The following TMEM51 variants were observed in gnomAD, a reference collection of about 807,000 sequenced individuals.
The protein encoded by TMEM51 is transmembrane protein 51.
Under a neutral mutation model 13.6 loss-of-function variants are expected in TMEM51, and 8 were observed. The ratio of observed to expected loss-of-function variants is 0.59; its 90% CI spans 0.35 to 1.07. The LOEUF is 1.07. Ranked by LOEUF, TMEM51 falls within the 50% of genes least tolerant of loss-of-function variation. The pLI is 0.02. For missense variants in TMEM51, 279 were observed against 330.7 expected, an observed-to-expected ratio of 0.84 and a Z score of 1.21; for synonymous variants, 147 against 144.4, an observed-to-expected ratio of 1.02 and a Z score of -0.13.
intron 1 of TMEM51, among the ~76,000 whole-genome samples, chr1:15,199,791 T>A (rs1644119012): frequency 6.6e-6 from 1 of 152,148 alleles, no homozygotes; most frequent in Non-Finnish European, 1.5e-5. Flanking sequence ...CTCAACCCTA[T>A]GAGACCAATA....
intron 1 of TMEM51, among the ~76,000 whole-genome samples, chr1:15,186,356 T>G (rs916536544): frequency 1.2e-4 from 19 of 152,082 alleles, no homozygotes; most frequent in Non-Finnish European, 1.9e-4. Context: ...GCCTGGTGGG[T>G]ACAGTGAGGA....
intron 1 of TMEM51, among the ~76,000 whole-genome samples, chr1:15,155,332 TTG>T (rs1642553488): frequency 6.6e-6 from 1 of 152,188 alleles, no homozygotes; most frequent in South Asian, 2.1e-4. Context: ...ATGAAAAGTG[TTG>T]CAGAATTGGC....
At chr1:15,187,586 G>A (rs1162382763) in intron 1 of TMEM51, among the ~76,000 whole-genome samples, 2 of 152,184 alleles carry the variant, frequency 1.3e-5, no homozygotes, top group East Asian at 1.9e-4. Context: ...TTTGCTGGAT[G>A]TAGATCATAA....
At chr1:15,200,417 A>G (rs1644131865) in intron 1 of TMEM51, among the ~76,000 whole-genome samples, 1 of 147,658 alleles carries the variant, frequency 6.8e-6, no homozygotes, top group Admixed American at 6.7e-5. Flanking sequence ...CAAAAAAAAA[A>G]AAAAAAAAAA....
At chr1:15,186,791 G>T (rs1338892313) in intron 1 of TMEM51, among the ~76,000 whole-genome samples, 3 of 145,468 alleles carry the variant, frequency 2.1e-5, no homozygotes, top group African/African-American at 7.5e-5. Flanking sequence ...ACCTCTCTGA[G>T]AGCAGTGGAG....
intron 1 of TMEM51, chr1:15,168,365 G>A (rs774079179): frequency 1.0e-5 from 11 of 1,069,732 alleles, no homozygotes; most frequent in Non-Finnish European, 1.2e-5. Flanking sequence ...AAGGGGAATG[G>A]GGAAGAAAAG....
rs577021574 is a variant in TMEM51, at chr1:15,219,484, A to G, written c.503A>G (p.Asp168Gly). The G allele has an allele frequency of 6.2e-7, 1 of 1,614,092 alleles. No homozygotes were observed. Among genetic ancestry groups the G allele is most frequent in the South Asian group, 1.1e-5 (1 of 91,080 alleles). ...LPSYESLTGLDETTPTSTRAD... is the reference protein window; with the variant it reads ...LPSYESLTGLGETTPTSTRAD... The stretch of plus-strand genomic sequence containing the variant: ...TCCTATGAGTCACTGACGGGGCTCG[A>G]CGAGACCACCCCCACATCCACCAGG... The change falls in exon 4 of 4, where the codon GAC (aspartate) becomes GGC (glycine). Residue 168 changes from aspartate (D) to glycine (G), a missense_variant. By Grantham distance (94) the Asp-to-Gly change is moderately conservative. Transcript: ENST00000376008.
chr1:15,185,223 A>G (rs1037030406), intron 1 of TMEM51, among the ~76,000 whole-genome samples: 1 of 152,186 alleles, frequency 6.6e-6, no homozygotes, highest in Non-Finnish European at 1.5e-5. Flanking sequence ...CATTTTGTCA[A>G]ATCTGTTCTA....
intron 1 of TMEM51, among the ~76,000 whole-genome samples, chr1:15,204,133 G>A (rs372216312): frequency 3.9e-5 from 6 of 152,356 alleles, no homozygotes; most frequent in Non-Finnish European, 5.9e-5. Context: ...AGATGGCACC[G>A]AGGTTCACAC....
At chr1:15,181,913 C>T (rs1643627884) in intron 1 of TMEM51, among the ~76,000 whole-genome samples, 1 of 152,132 alleles carries the variant, frequency 6.6e-6, no homozygotes, top group Non-Finnish European at 1.5e-5. Context: ...TTAATCCCAG[C>T]ACTTTGGGAG....
Position 15,153,893 on chromosome 1 carries a change from G to T in TMEM51, c.-328G>T, listed in dbSNP as rs1642487057. The T allele has an allele frequency of 6.6e-6, 1 of 151,950 alleles. No individual in the cohort carries two copies. Among genetic ancestry groups the T allele is most frequent in the Non-Finnish European group, 1.5e-5 (1 of 67,962 alleles). The allele number at this position is 151,950 out of a possible 1,614,324, so 9.4% of individuals were successfully genotyped here. ...GAGGCCGCCCGGGTGGGGCGCGGGG[G>T]TCGCGAAGCCCGCAGTCCCGGACCG... On this transcript the variant is annotated 5_prime_UTR_variant, in exon 1 of 4. Transcript: ENST00000376008.
At chr1:15,210,911 C>G (rs980541625) in intron 2 of TMEM51, among the ~76,000 whole-genome samples, 2 of 152,210 alleles carry the variant, frequency 1.3e-5, no homozygotes, top group East Asian at 3.8e-4. Context: ...AGCTGGGTTT[C>G]TACAGACCCC....
intron 1 of TMEM51, chr1:15,191,704 G>A (rs901257939): frequency 1.3e-5 from 4 of 308,444 alleles, no homozygotes; most frequent in African/African-American, 2.2e-5. Context: ...CATCCCAAAT[G>A]CAAATATATT....
chr1:15,215,487 C>A, intron 3 of TMEM51, 56 bp downstream of exon 3: 1 of 1,451,978 alleles, frequency 6.9e-7, no homozygotes. Context: ...CGCACGCATG[C>A]ACACACATGT....
intron 1 of TMEM51, among the ~76,000 whole-genome samples, chr1:15,159,967 C>T (rs1642720774): frequency 6.6e-6 from 1 of 152,228 alleles, no homozygotes; most frequent in African/African-American, 2.4e-5. Flanking sequence ...AATGAGAACT[C>T]ACCACAGGGA....
At position 15,187,454 on chromosome 1, in the gene TMEM51, G is replaced by A. The variant is rs1411672000; in HGVS notation, c.-266-23036G>A. Among the ~76,000 whole-genome samples, 4 of 152,226 alleles carry A rather than the reference G, an allele frequency of 2.6e-5. No individual in the cohort carries two copies. The East Asian group carries it at 7.7e-4, about 29-fold the overall frequency. On this transcript the variant is annotated intron_variant, in intron 1 of 3. Coordinates refer to ENST00000376008, the MANE Select transcript of TMEM51 (RefSeq NM_001136218.2). ...TTGGGCATGCAGGAGGCTGAGGGCAGAGGGTGGTGATGCCTGTAGGTCCTA... is the reference window on the plus strand; with the variant it reads ...TTGGGCATGCAGGAGGCTGAGGGCAAAGGGTGGTGATGCCTGTAGGTCCTA...
At chr1:15,166,346 G>C (rs905252577) in intron 1 of TMEM51, among the ~76,000 whole-genome samples, 9 of 152,092 alleles carry the variant, frequency 5.9e-5, no homozygotes, top group African/African-American at 2.2e-4. Context: ...GAGTATCTGG[G>C]CCTCCCTTCT....
In TMEM51 at chr1:15,168,661, G is replaced by A. The variant is rs541157025; in HGVS notation, c.-267+14707G>A. 6 of 1,304,398 alleles carry A rather than the reference G, an allele frequency of 4.6e-6. No homozygotes were observed. The East Asian group carries it at 2.2e-4, about 48-fold the overall frequency. The allele number at this position is 1,304,398 out of a possible 1,614,324, so 80.8% of individuals were successfully genotyped here. ...GTGTTTGTACTGACTCACTGCATCTGAGGAAGTCTGTTGGTAGCTTAGAAC... is the reference window on the plus strand; with the variant it reads ...GTGTTTGTACTGACTCACTGCATCTAAGGAAGTCTGTTGGTAGCTTAGAAC... On this transcript the variant is annotated intron_variant, in intron 1 of 3. Transcript: ENST00000376008.
At chr1:15,181,354 G>T (rs911878664) in intron 1 of TMEM51, among the ~76,000 whole-genome samples, 4 of 152,204 alleles carry the variant, frequency 2.6e-5, no homozygotes, top group Non-Finnish European at 5.9e-5. Context: ...AGTAGGATGG[G>T]AAGTTGTCCT....
Sources: gnomAD v4.1 joint callset for allele counts (sites outside exome capture counted in the v4.1 genomes callset) on GRCh38, gnomAD v4.1.1 for gene constraint, MANE v1.5 for transcripts, NCBI Gene and HGNC (gene_info 2026-07-23, HGNC 2026-07-21) for gene names.